Variants in DLG2 observed in about 807,000 individuals in gnomAD.
DLG2 encodes disks large homolog 2.
In DLG2, 45 loss-of-function variants were observed where a neutral mutation model predicts 132.5. That is an observed-to-expected ratio of 0.34 (90% CI 0.27 to 0.44). DLG2 has a LOEUF of 0.44. Ranked by LOEUF, DLG2 falls within the 20% of genes least tolerant of loss-of-function variation. The pLI, the probability that DLG2 is intolerant of heterozygous loss-of-function variation, is 1.00. For missense variants in DLG2, 1,045 were observed against 1,196.9 expected, an observed-to-expected ratio of 0.87 and a Z score of 1.87; for synonymous variants, 424 against 419.6, an observed-to-expected ratio of 1.01 and a Z score of -0.13.
chr11:85,605,520 C>A (rs956137981), intron 2 of DLG2, among the ~76,000 whole-genome samples: 1 of 152,164 alleles, frequency 6.6e-6, no homozygotes, highest in Non-Finnish European at 1.5e-5. Flanking sequence ...AAGGTTATTT[C>A]AGCCATTAAT....
intron 7 of DLG2, among the ~76,000 whole-genome samples, chr11:84,297,651 A>G (rs902532953): frequency 9.2e-5 from 14 of 151,972 alleles, no homozygotes; most frequent in African/African-American, 2.7e-4. Context: ...TTCTCACTGT[A>G]TACAATACAT....
intron 6 of DLG2, among the ~76,000 whole-genome samples, chr11:84,593,760 A>C (rs1296705289): frequency 6.6e-6 from 1 of 152,220 alleles, no homozygotes; most frequent in African/African-American, 2.4e-5. Flanking sequence ...ATAAACGTGC[A>C]GGTTCTGCAC....
intron 6 of DLG2, among the ~76,000 whole-genome samples, chr11:84,752,741 C>G (rs2066329990): frequency 8.1e-6 from 1 of 122,780 alleles, no homozygotes; most frequent in Non-Finnish European, 1.7e-5. Flanking sequence ...ACTACAGTCC[C>G]CAGAGTGTGA....
chr11:83,661,173 GA>G (rs897415505), intron 18 of DLG2, among the ~76,000 whole-genome samples: 2 of 152,200 alleles, frequency 1.3e-5, no homozygotes, highest in Admixed American at 6.5e-5. Context: ...TGGCTCTGGG[GA>G]AAAAGCATTT....
At chr11:85,393,629 A>ACG in intron 3 of DLG2, among the ~76,000 whole-genome samples, 1 of 143,818 alleles carries the variant, frequency 7.0e-6, no homozygotes. Flanking sequence ...TGGTATGCAT[A>ACG]TGTGTGTGTG....
intron 5 of DLG2, among the ~76,000 whole-genome samples, chr11:85,120,850 G>C (rs1279166387): frequency 6.6e-6 from 1 of 151,966 alleles, no homozygotes; most frequent in Non-Finnish European, 1.5e-5. Flanking sequence ...CTACATTGCT[G>C]CTTGGTAAAG....
intron 6 of DLG2, among the ~76,000 whole-genome samples, chr11:85,096,995 A>G (rs1228600670): frequency 6.6e-6 from 1 of 152,046 alleles, no homozygotes; most frequent in Non-Finnish European, 1.5e-5. Context: ...GGGTCCCAAC[A>G]ACAAGTTGAT....
At chr11:84,869,772 C>T (rs1943724) in intron 6 of DLG2, among the ~76,000 whole-genome samples, 144,153 of 152,286 alleles carry the variant, frequency 0.95, 68,867 homozygotes, top group Middle Eastern at 0.99. Context: ...CCCAGTACCA[C>T]GCCTGGGTTG....
intron 10 of DLG2, among the ~76,000 whole-genome samples, chr11:84,088,453 T>C (rs1464564829): frequency 6.6e-6 from 1 of 152,144 alleles, no homozygotes; most frequent in Admixed American, 6.5e-5. Flanking sequence ...ATAGGTGGAT[T>C]TCCTTTATTG....
intron 6 of DLG2, among the ~76,000 whole-genome samples, chr11:84,611,315 A>G (rs2099595210): frequency 2.0e-5 from 3 of 152,198 alleles, no homozygotes. Flanking sequence ...TCCATATGCC[A>G]GTTTCTACAT....
chr11:83,872,010 A>G (rs1540096), intron 16 of DLG2, among the ~76,000 whole-genome samples: 36,749 of 152,052 alleles, frequency 0.24, 4,642 homozygotes, highest in East Asian at 0.36. Context: ...TCACACCTGT[A>G]ATCCCAGCAC....
At chr11:85,070,605 A>T (rs369089563) in intron 6 of DLG2, among the ~76,000 whole-genome samples, 4 of 151,952 alleles carry the variant, frequency 2.6e-5, no homozygotes, top group South Asian at 4.1e-4. Flanking sequence ...ATAAGCACTA[A>T]ACCAAAAAGT....
rs1433667281 is a variant in DLG2, at chr11:83,467,351, G to A, written c.2620-534C>T. On this transcript the variant is annotated intron_variant, in intron 25 of 27. Transcript: ENST00000376104. ...CATTGTCTCACCCTGCCCAACATTC[G>A]GTGTGGAAGATTGAGAATAATGTGA... Among the ~76,000 whole-genome samples the A allele has an allele frequency of 3.9e-5, 6 of 152,200 alleles. No homozygotes were observed. In the East Asian group the frequency reaches 7.7e-4, roughly 20 times the overall value.
chr11:84,766,528 C>A (rs189819506), intron 6 of DLG2, among the ~76,000 whole-genome samples: 104 of 152,126 alleles, frequency 6.8e-4, no homozygotes, highest in African/African-American at 2.3e-3. Context: ...ATCAGTTCAG[C>A]AACTGGCATA....
At position 83,930,408 on chromosome 11, in the gene DLG2, A is replaced by T. The variant is rs904690456; in HGVS notation, c.1416T>A (p.Val472=). Residue 472 remains valine (V), a synonymous_variant, in exon 15 of 28, where the codon GTT becomes GTA. Coordinates refer to ENST00000376104, the MANE Select transcript of DLG2 (RefSeq NM_001142699.3). ...AGAGGAGGAAGCTTTTGTCACACTCAACAGGGGAATAGTGCCTGGGAGAAG... is the reference window on the plus strand; with the variant it reads ...AGAGGAGGAAGCTTTTGTCACACTCTACAGGGGAATAGTGCCTGGGAGAAG... ...KPASPRHYSP[V]ECDKSFLLSA... 8 of 1,614,006 alleles carry T rather than the reference A, an allele frequency of 5.0e-6. No individual in the cohort carries two copies. Among genetic ancestry groups the T allele is most frequent in the Non-Finnish European group, 5.1e-6 (6 of 1,179,976 alleles).
chr11:84,245,151 G>A (rs554322774), intron 8 of DLG2, among the ~76,000 whole-genome samples: 38 of 152,094 alleles, frequency 2.5e-4, no homozygotes, highest in Non-Finnish European at 3.7e-4. Context: ...GAAGCTCATT[G>A]CTAATTCAAT....
chr11:84,915,107 T>G (rs1376581203), intron 6 of DLG2, among the ~76,000 whole-genome samples: 1 of 152,166 alleles, frequency 6.6e-6, no homozygotes, highest in Non-Finnish European at 1.5e-5. Context: ...ATCTTTTCAT[T>G]TGCATATTCC....
At chr11:85,217,192 A>G (rs969087865) in intron 4 of DLG2, among the ~76,000 whole-genome samples, 4 of 152,122 alleles carry the variant, frequency 2.6e-5, no homozygotes, top group African/African-American at 9.7e-5. Context: ...GAACAGAACT[A>G]TGATATGAAC....
At chr11:84,940,333 A>C (rs111729932) in intron 6 of DLG2, among the ~76,000 whole-genome samples, 17,161 of 152,072 alleles carry the variant, frequency 0.11, 1,163 homozygotes, top group African/African-American at 0.12. Context: ...TTGTATTTTT[A>C]GTAGAGACAG....
Sources: gnomAD v4.1 joint callset for allele counts (sites outside exome capture counted in the v4.1 genomes callset) on GRCh38, gnomAD v4.1.1 for gene constraint, MANE v1.5 for transcripts, NCBI Gene and HGNC (gene_info 2026-07-23, HGNC 2026-07-21) for gene names.